SORCS3: variants seen among roughly 807,000 people sequenced by gnomAD.
SORCS3 encodes the protein VPS10 domain-containing receptor SorCS3.
In SORCS3, 57 loss-of-function variants were observed where a neutral mutation model predicts 146.3. The ratio of observed to expected loss-of-function variants is 0.39; its 90% CI spans 0.31 to 0.49. The LOEUF is 0.49. Ranked by LOEUF, SORCS3 falls within the 20% of genes least tolerant of loss-of-function variation. SORCS3 has a pLI of 0.92. For missense variants in SORCS3, 1,341 were observed against 1,575.5 expected (o/e 0.85, Z 2.52); for synonymous variants, 653 against 618.5 (o/e 1.06, Z -0.83).
chr10:105,200,804 T>G (rs2056570033), intron 15 of SORCS3, among the ~76,000 whole-genome samples: 1 of 152,172 alleles, frequency 6.6e-6, no homozygotes, highest in African/African-American at 2.4e-5. Flanking sequence ...TTTGGGCAAA[T>G]GTACCTGGTG....
intron 4 of SORCS3, among the ~76,000 whole-genome samples, chr10:105,034,932 G>A (rs574317288): frequency 6.6e-6 from 1 of 152,216 alleles, no homozygotes; most frequent in South Asian, 2.1e-4. Context: ...ATTGCCATAG[G>A]CACTAAGGAA....
chr10:104,947,471 G>C (rs1324676824), intron 3 of SORCS3, among the ~76,000 whole-genome samples: 1 of 152,070 alleles, frequency 6.6e-6, no homozygotes, highest in African/African-American at 2.4e-5. Flanking sequence ...AAGCACAAAG[G>C]CTCTCTGAAC....
chr10:105,003,629 A>G (rs1429084724), intron 4 of SORCS3, among the ~76,000 whole-genome samples: 1 of 152,192 alleles, frequency 6.6e-6, no homozygotes, highest in East Asian at 1.9e-4. Flanking sequence ...ATGTTTACAT[A>G]AACTGTACAA....
chr10:105,202,197 A>G (rs1286687238), intron 16 of SORCS3, among the ~76,000 whole-genome samples: 1 of 152,132 alleles, frequency 6.6e-6, no homozygotes, highest in East Asian at 1.9e-4. Flanking sequence ...TATCACTACT[A>G]CACTTAGAAT....
chr10:104,881,600 T>TATATTAAGA (rs1472151362), intron 2 of SORCS3, among the ~76,000 whole-genome samples: 6 of 152,168 alleles, frequency 3.9e-5, no homozygotes, highest in Admixed American at 2.6e-4. Flanking sequence ...TAAAGAATCT[T>TATATTAAGA]ATATTAAGAA....
chr10:105,096,438 A>G (rs536089390), intron 6 of SORCS3, among the ~76,000 whole-genome samples: 17 of 152,282 alleles, frequency 1.1e-4, no homozygotes, highest in African/African-American at 3.8e-4. Context: ...GCTGCCGGGT[A>G]TATACAGATA....
chr10:104,848,673 G>T (rs147732398), intron 2 of SORCS3, among the ~76,000 whole-genome samples: 8 of 152,236 alleles, frequency 5.3e-5, no homozygotes, highest in Admixed American at 5.2e-4. Flanking sequence ...TCTAAAACTG[G>T]GACGGTCTCC....
chr10:104,664,615 T>A (rs1466502006), intron 1 of SORCS3: 3 of 152,236 alleles, frequency 2.0e-5, no homozygotes, highest in Admixed American at 6.5e-5. Flanking sequence ...AGCTTACTTT[T>A]AAAATTTTGA....
chr10:104,720,443 G>T (rs1486106125), intron 1 of SORCS3, among the ~76,000 whole-genome samples: 1 of 152,178 alleles, frequency 6.6e-6, no homozygotes, highest in African/African-American at 2.4e-5. Context: ...ACATAAGTGT[G>T]CATGTGTCTT....
intron 4 of SORCS3, among the ~76,000 whole-genome samples, chr10:105,034,824 C>T (rs2055295301): frequency 6.6e-6 from 1 of 152,158 alleles, no homozygotes; most frequent in Non-Finnish European, 1.5e-5. Context: ...GCCTAAGACT[C>T]CATGTTTCTT....
At chr10:104,666,352 CAGG>C (rs2015776451) in intron 1 of SORCS3, among the ~76,000 whole-genome samples, 1 of 151,974 alleles carries the variant, frequency 6.6e-6, no homozygotes, top group Non-Finnish European at 1.5e-5. Context: ...TAGCATCAGG[CAGG>C]AGGAGGAGAA....
At chr10:104,748,976 T>G (rs546588709) in intron 1 of SORCS3, among the ~76,000 whole-genome samples, 1 of 152,296 alleles carries the variant, frequency 6.6e-6, no homozygotes, top group South Asian at 2.1e-4. Context: ...GTGTCCACCA[T>G]TAAGCCAATC....
intron 1 of SORCS3, among the ~76,000 whole-genome samples, chr10:104,661,369 A>G (rs1329745129): frequency 1.3e-5 from 2 of 152,202 alleles, no homozygotes; most frequent in Non-Finnish European, 2.9e-5. Flanking sequence ...CATACCTGCT[A>G]TCACCCAGAG....
chr10:104,969,360 A>G (rs1042163754), intron 3 of SORCS3, among the ~76,000 whole-genome samples: 1 of 150,148 alleles, frequency 6.7e-6, no homozygotes, highest in East Asian at 2.0e-4. Context: ...CGTACAGAGC[A>G]TGGAAGGTGT....
chr10:104,882,004 T>C (rs2018637172), intron 2 of SORCS3, among the ~76,000 whole-genome samples: 1 of 152,114 alleles, frequency 6.6e-6, no homozygotes, highest in Non-Finnish European at 1.5e-5. Flanking sequence ...AATCCCCAAA[T>C]AGGGTATGAA....
At position 104,913,385 on chromosome 10, in the gene SORCS3, C is replaced by T. The variant is rs1209755059; in HGVS notation, c.696-2448C>T. Among the ~76,000 whole-genome samples the T allele has an allele frequency of 4.6e-5, 7 of 152,226 alleles. No homozygotes were observed. The East Asian group carries it at 1.2e-3, about 25-fold the overall frequency. ...TTATTAAGACTTGAAGAGTGATCTG[C>T]GTTGTAGAAAGGCAAGGAGAAAGAT... is the stretch of plus-strand genomic sequence containing the variant. On this transcript the variant is annotated intron_variant, in intron 2 of 26. Coordinates refer to ENST00000369701, the MANE Select transcript of SORCS3 (RefSeq NM_014978.3).
intron 1 of SORCS3, among the ~76,000 whole-genome samples, chr10:104,839,468 T>C (rs60068977): frequency 0.1 from 15,864 of 152,150 alleles, 973 homozygotes; most frequent in South Asian, 0.24. Context: ...TGAGGATGTG[T>C]TTGTCTTACC....
intron 1 of SORCS3, among the ~76,000 whole-genome samples, chr10:104,756,280 G>A (rs995578704): frequency 3.9e-5 from 6 of 152,154 alleles, no homozygotes; most frequent in African/African-American, 7.2e-5. Context: ...TATAAAAAGT[G>A]CATATAGGAT....
chr10:105,019,864 T>C (rs1298037531), intron 4 of SORCS3, among the ~76,000 whole-genome samples: 2 of 152,206 alleles, frequency 1.3e-5, no homozygotes, highest in South Asian at 4.1e-4. Flanking sequence ...GAAAATGTAA[T>C]TATTGCTGAA....
Sources: gnomAD v4.1 joint callset for allele counts (sites outside exome capture counted in the v4.1 genomes callset) on GRCh38, gnomAD v4.1.1 for gene constraint, MANE v1.5 for transcripts, NCBI Gene and HGNC (gene_info 2026-07-23, HGNC 2026-07-21) for gene names.